ARFIP1: variants seen among roughly 807,000 people sequenced by gnomAD.
The protein encoded by ARFIP1 is arfaptin-1.
A neutral mutation model predicts 42.5 loss-of-function variants in ARFIP1; 24 were observed. The ratio of observed to expected loss-of-function variants is 0.57; its 90% confidence interval spans 0.41 to 0.80. The LOEUF (loss-of-function observed/expected upper bound fraction) is 0.80. Ranked by LOEUF, ARFIP1 falls within the 30% of genes least tolerant of loss-of-function variation. The pLI is 0.00. For synonymous variants in ARFIP1, 141 were observed against 153.7 expected (o/e 0.92, Z 0.61); for missense variants, 354 against 434.0 (o/e 0.82, Z 1.64).
intron 5 of ARFIP1, among the ~76,000 whole-genome samples, chr4:152,875,399 A>G (rs1002575122): frequency 2.7e-5 from 4 of 150,434 alleles, no homozygotes; most frequent in African/African-American, 7.3e-5. Flanking sequence ...AAAAAAAAAA[A>G]AAGAATAATC....
chr4:152,907,860 T>C (rs1490435481), intron 8 of ARFIP1, among the ~76,000 whole-genome samples: 3 of 152,226 alleles, frequency 2.0e-5, no homozygotes, highest in Non-Finnish European at 1.5e-5. Context: ...TGTACATGTT[T>C]CATGAAACAC....
intron 2 of ARFIP1, among the ~76,000 whole-genome samples, chr4:152,851,787 C>G (rs1249306968): frequency 2.6e-5 from 4 of 152,156 alleles, no homozygotes; most frequent in African/African-American, 9.7e-5. Flanking sequence ...ATTTTGTGTT[C>G]TTCATGTGTT....
chr4:152,821,486 T>G (rs1730362523), intron 1 of ARFIP1, among the ~76,000 whole-genome samples: 1 of 151,802 alleles, frequency 6.6e-6, no homozygotes, highest in Non-Finnish European at 1.5e-5. Context: ...CATCCGGAAA[T>G]AGGGAATTAT....
chr4:152,901,219 G>A (rs1737804372), intron 8 of ARFIP1, among the ~76,000 whole-genome samples: 1 of 152,200 alleles, frequency 6.6e-6, no homozygotes, highest in African/African-American at 2.4e-5. Flanking sequence ...TTATTTTGAT[G>A]TGGACAAGGT....
intron 3 of ARFIP1, among the ~76,000 whole-genome samples, chr4:152,869,922 C>T (rs1231261912): frequency 1.3e-5 from 2 of 152,132 alleles, no homozygotes; most frequent in Non-Finnish European, 2.9e-5. Flanking sequence ...GTTTGAGAAT[C>T]ATCTTGAGTG....
intron 8 of ARFIP1, among the ~76,000 whole-genome samples, chr4:152,907,953 G>A (rs577484888): frequency 1.2e-4 from 19 of 152,092 alleles, no homozygotes; most frequent in Non-Finnish European, 1.9e-4. Flanking sequence ...TTACTAGTTC[G>A]TGCCAGATTG....
At chr4:152,799,549 T>C (rs1386819032) in intron 1 of ARFIP1, among the ~76,000 whole-genome samples, 1 of 152,234 alleles carries the variant, frequency 6.6e-6, no homozygotes, top group Non-Finnish European at 1.5e-5. Flanking sequence ...AGACAAATTC[T>C]TTGCACAATA....
chr4:152,884,880 A>G (rs1456862795), intron 7 of ARFIP1, among the ~76,000 whole-genome samples: 1 of 152,072 alleles, frequency 6.6e-6, no homozygotes, highest in South Asian at 2.1e-4. Context: ...TTCATTTGGA[A>G]CTTTTGAACA....
chr4:152,821,575 G>A (rs1730369749), intron 1 of ARFIP1, among the ~76,000 whole-genome samples: 1 of 152,150 alleles, frequency 6.6e-6, no homozygotes. Flanking sequence ...TTATTTAAGG[G>A]AATAATTGAG....
chr4:152,839,148 A>G (rs2149854463), intron 2 of ARFIP1, among the ~76,000 whole-genome samples: 1 of 152,274 alleles, frequency 6.6e-6, no homozygotes, highest in African/African-American at 2.4e-5. Context: ...ATCATGGTGG[A>G]TTATCATTTT....
intron 8 of ARFIP1, among the ~76,000 whole-genome samples, chr4:152,904,651 G>A (rs139326953): frequency 0.015 from 2,308 of 152,134 alleles, 67 homozygotes; most frequent in African/African-American, 0.053. Context: ...TGCAGTGTTT[G>A]GTTTTTTGTT....
chr4:152,824,959 C>A (rs1018465058), intron 1 of ARFIP1, among the ~76,000 whole-genome samples: 1 of 151,568 alleles, frequency 6.6e-6, no homozygotes, highest in Admixed American at 6.6e-5. Context: ...TATATACACA[C>A]ACGCACACCA....
chr4:152,836,641 TC>T (rs1448817652), intron 2 of ARFIP1, among the ~76,000 whole-genome samples: 1 of 152,232 alleles, frequency 6.6e-6, no homozygotes, highest in Non-Finnish European at 1.5e-5. Flanking sequence ...AGTTTATTTC[TC>T]CAGCTTTGTT....
At chr4:152,824,414 T>C (rs1578875630) in intron 1 of ARFIP1, among the ~76,000 whole-genome samples, 1 of 151,930 alleles carries the variant, frequency 6.6e-6, no homozygotes. Flanking sequence ...ATGTGATTCA[T>C]CATATGAACA....
chr4:152,867,089 G>A (rs1229902951), intron 3 of ARFIP1, among the ~76,000 whole-genome samples: 1 of 151,962 alleles, frequency 6.6e-6, no homozygotes, highest in Non-Finnish European at 1.5e-5. Context: ...CTTCCCAGAC[G>A]GGGTGGCGGC....
chr4:152,858,050 G>A (rs1733581489), intron 2 of ARFIP1, among the ~76,000 whole-genome samples: 2 of 152,186 alleles, frequency 1.3e-5, no homozygotes. Context: ...CCGCCACTTT[G>A]GGAGGCTGAG....
chr4:152,784,386 TCTC>T (rs1200219842), intron 1 of ARFIP1, among the ~76,000 whole-genome samples: 2 of 152,236 alleles, frequency 1.3e-5, no homozygotes, highest in Non-Finnish European at 2.9e-5. Flanking sequence ...TTATTCCTAT[TCTC>T]CTCTTTCTCC....
intron 2 of ARFIP1, among the ~76,000 whole-genome samples, chr4:152,831,240 T>A (rs887438571): frequency 1.3e-5 from 2 of 152,222 alleles, no homozygotes; most frequent in Non-Finnish European, 2.9e-5. Context: ...TTTTGCAAAC[T>A]TACTATGCAA....
chr4:152,896,669 A>G lies in ARFIP1; in HGVS notation c.966+8362A>G, dbSNP rs185759585. On this transcript the variant is annotated intron_variant, in intron 8 of 8. Transcript: ENST00000353617. ...AAACCTCTCACTGTATACTTTTTAT[A>G]TCTTTAATTTTGAACCACATATATG... 3.3e-3 allele frequency among the ~76,000 whole-genome samples: 502 copies of G among 152,304 alleles called. 1 individual carries two copies. Among genetic ancestry groups the G allele is most frequent in the Non-Finnish European group, 5.2e-3 (355 of 68,030 alleles).
Sources: allele counts gnomAD v4.1 joint callset (sites outside exome capture counted in the v4.1 genomes callset), GRCh38; gene constraint gnomAD v4.1.1; transcripts MANE v1.5; gene names NCBI Gene and HGNC (gene_info 2026-07-23, HGNC 2026-07-21).